The following NDFIP1 variants were observed in gnomAD, a reference collection of about 807,000 sequenced individuals.
NDFIP1 encodes NEDD4 family-interacting protein 1.
In NDFIP1, 7 loss-of-function variants were observed where a neutral mutation model predicts 28.8. That is an observed-to-expected ratio of 0.24 (90% CI 0.14 to 0.46). NDFIP1 has a LOEUF of 0.46. Among genes scored for constraint, NDFIP1 ranks in the 20% least tolerant of loss-of-function variants. The pLI is 0.99. For missense variants in NDFIP1, 194 were observed against 269.1 expected (o/e 0.72, Z 1.95); for synonymous variants, 92 against 101.0 (o/e 0.91, Z 0.53).
intron 7 of NDFIP1, among the ~76,000 whole-genome samples, chr5:142,149,966 G>A (rs1757427981): frequency 6.6e-6 from 1 of 152,158 alleles, no homozygotes; most frequent in Non-Finnish European, 1.5e-5. Context: ...CAGATCACGA[G>A]GTCAGGAGAT....
intron 1 of NDFIP1, among the ~76,000 whole-genome samples, chr5:142,120,097 A>T (rs982421269): frequency 1.4e-4 from 21 of 152,202 alleles, no homozygotes; most frequent in African/African-American, 4.8e-4. Context: ...TTGGGATTAC[A>T]GGCACGCACC....
intron 7 of NDFIP1, among the ~76,000 whole-genome samples, chr5:142,146,915 CTATG>C (rs1362272379): frequency 6.6e-6 from 1 of 152,008 alleles, no homozygotes; most frequent in Non-Finnish European, 1.5e-5. Context: ...AAATTTAAAA[CTATG>C]TATGTGGGGT....
Position 142,140,562 on chromosome 5 carries a change from G to A in NDFIP1, c.496-1G>A. 6.2e-7 allele frequency: 1 copy of A among 1,607,882 alleles called. No individual in the cohort carries two copies. The highest frequency in any genetic ancestry group is 8.5e-7 in the Non-Finnish European group (1 of 1,177,414). ...ATAAAGTGTTTTGCCTTATTTTTTA[G>A]TTTTCCACCTATTTCCCTGGATATT... On this transcript the variant is annotated splice_acceptor_variant, in intron 5 of 7. Transcript: ENST00000253814. LOFTEE classifies it high-confidence loss of function.
rs1254902237 is a variant in NDFIP1, at chr5:142,153,369, A to G, written c.*1641A>G. 4.4e-6 allele frequency: 2 copies of G among 456,740 alleles called. No individual in the cohort carries two copies. Among genetic ancestry groups the G allele is most frequent in the Non-Finnish European group, 4.4e-6 (1 of 226,986 alleles). 28.3% of individuals were successfully genotyped at this position (456,740 alleles called of 1,614,324 possible). Reference sequence around the variant, plus strand: ...GTCTGATAGCTGCAAATGTCCATTCATCTGCTGTGTATGTATATCCAGAAT... The same window carrying G: ...GTCTGATAGCTGCAAATGTCCATTCGTCTGCTGTGTATGTATATCCAGAAT... On this transcript the variant is annotated 3_prime_UTR_variant, in exon 8 of 8. Coordinates refer to ENST00000253814, the MANE Select transcript of NDFIP1 (RefSeq NM_030571.4).
intron 1 of NDFIP1, among the ~76,000 whole-genome samples, chr5:142,121,230 A>G (rs2126912973): frequency 6.6e-6 from 1 of 152,354 alleles, no homozygotes; most frequent in East Asian, 1.9e-4. Context: ...CTTTAATTGA[A>G]CACCTGAGCA....
At chr5:142,141,828 G>A (rs1190382912) in intron 6 of NDFIP1, among the ~76,000 whole-genome samples, 1 of 151,970 alleles carries the variant, frequency 6.6e-6, no homozygotes, top group East Asian at 1.9e-4. Context: ...CCTGGCAGGT[G>A]TTTAATAAAT....
chr5:142,128,205 C>T lies in NDFIP1; in HGVS notation c.64-3603C>T, dbSNP rs114265601. ...CAGTTAAATTGGACTCGGGCTTCCACTGACCCAGTTGATGGAAGAGACTGA... is the reference window on the plus strand; with the variant it reads ...CAGTTAAATTGGACTCGGGCTTCCATTGACCCAGTTGATGGAAGAGACTGA... On this transcript the variant is annotated intron_variant, in intron 1 of 7. Coordinates refer to ENST00000253814, the MANE Select transcript of NDFIP1 (RefSeq NM_030571.4). Among the ~76,000 whole-genome samples, 1,384 of 152,228 alleles carry T rather than the reference C, an allele frequency of 9.1e-3. 21 individuals are homozygous for T. Among genetic ancestry groups the T allele is most frequent in the African/African-American group, 0.032 (1,315 of 41,534 alleles).
At chr5:142,133,227 C>G (rs1757243488) in intron 3 of NDFIP1, among the ~76,000 whole-genome samples, 1 of 152,182 alleles carries the variant, frequency 6.6e-6, no homozygotes, top group Non-Finnish European at 1.5e-5. Flanking sequence ...TGAGCCCAAT[C>G]TAGGATGATC....
chr5:142,145,299 G>A (rs1351210280), intron 7 of NDFIP1, among the ~76,000 whole-genome samples: 2 of 152,174 alleles, frequency 1.3e-5, no homozygotes, highest in South Asian at 2.1e-4. Context: ...GCCCTGCCAA[G>A]GCTCTTTGAT....
intron 1 of NDFIP1, among the ~76,000 whole-genome samples, chr5:142,112,466 G>A (rs1180140283): frequency 6.6e-6 from 1 of 151,248 alleles, no homozygotes; most frequent in Admixed American, 6.6e-5. Context: ...TTGAACCCAG[G>A]AGGCAGAGTT....
intron 1 of NDFIP1, among the ~76,000 whole-genome samples, chr5:142,125,959 T>G (rs1454444928): frequency 6.6e-6 from 1 of 152,236 alleles, no homozygotes; most frequent in Non-Finnish European, 1.5e-5. Flanking sequence ...GGGTTGCCTT[T>G]TTATTGTTTA....
intron 6 of NDFIP1, chr5:142,144,351 A>C: frequency 2.7e-6 from 1 of 366,734 alleles, no homozygotes; most frequent in African/African-American, 2.1e-5. Flanking sequence ...TTCAATTCTG[A>C]ATGTGCAAAA....
chr5:142,143,141 C>T (rs1160926929), intron 6 of NDFIP1: 1 of 151,692 alleles, frequency 6.6e-6, no homozygotes, highest in Non-Finnish European at 1.5e-5. Flanking sequence ...ATTTGTTCCA[C>T]AGTTATTTTT....
At chr5:142,109,996 ATCC>A (rs1292123244) in intron 1 of NDFIP1, among the ~76,000 whole-genome samples, 1 of 152,216 alleles carries the variant, frequency 6.6e-6, no homozygotes, top group East Asian at 1.9e-4. Flanking sequence ...ACAGATGTCA[ATCC>A]TCCTTTTATC....
At chr5:142,125,331 C>G (rs1757160054) in intron 1 of NDFIP1, among the ~76,000 whole-genome samples, 1 of 151,974 alleles carries the variant, frequency 6.6e-6, no homozygotes, top group Non-Finnish European at 1.5e-5. Context: ...GGGTATATAC[C>G]TTGGAGTGGA....
intron 7 of NDFIP1, among the ~76,000 whole-genome samples, chr5:142,150,761 G>A (rs1393294721): frequency 2.6e-5 from 4 of 151,484 alleles, no homozygotes; most frequent in African/African-American, 9.7e-5. Flanking sequence ...AAAAGACATA[G>A]AAGAGTTTCT....
intron 1 of NDFIP1, among the ~76,000 whole-genome samples, chr5:142,116,007 A>G (rs1218854719): frequency 6.6e-6 from 1 of 152,210 alleles, no homozygotes; most frequent in African/African-American, 2.4e-5. Context: ...TAAATACTAT[A>G]CCATTTTATG....
At chr5:142,118,603 C>G (rs1358703979) in intron 1 of NDFIP1, among the ~76,000 whole-genome samples, 1 of 152,148 alleles carries the variant, frequency 6.6e-6, no homozygotes, top group Admixed American at 6.5e-5. Flanking sequence ...ACGTTTTACC[C>G]CACTTTCCAT....
chr5:142,144,375 C>A (rs942292955), intron 6 of NDFIP1, 196 bp from the exon 7 acceptor site: 4 of 501,054 alleles, frequency 8.0e-6, no homozygotes, highest in African/African-American at 7.7e-5. Flanking sequence ...ACTATTGACT[C>A]TTACATTATA....
Sources: allele counts gnomAD v4.1 joint callset (sites outside exome capture counted in the v4.1 genomes callset), GRCh38; gene constraint gnomAD v4.1.1; transcripts MANE v1.5; gene names NCBI Gene and HGNC (gene_info 2026-07-23, HGNC 2026-07-21).